Variants in STARD9 observed in about 807,000 individuals in gnomAD.
The protein encoded by STARD9 is stAR-related lipid transfer protein 9.
Under a neutral mutation model 399.8 loss-of-function variants are expected in STARD9, and 346 were observed. The ratio of observed to expected loss-of-function variants is 0.87; its 90% CI spans 0.79 to 0.95. The LOEUF is 0.95. Ranked by LOEUF, STARD9 falls within the 40% of genes least tolerant of loss-of-function variation. The pLI, the probability that STARD9 is intolerant of heterozygous loss-of-function variation, is 0.00. For synonymous variants in STARD9, 2,203 were observed against 2,143.5 expected (o/e 1.03, Z -0.77); for missense variants, 5,832 against 5,667.5 (o/e 1.03, Z -0.93).
chr15:42,583,242 G>C (rs953984128), intron 1 of STARD9, 104 bp from the exon 2 acceptor site: 1 of 770,390 alleles, frequency 1.3e-6, no homozygotes, highest in Admixed American at 2.8e-5. Context: ...TTCTCTTAAG[G>C]GTACAGCAGT....
chr15:42,685,329 A>T lies in STARD9; in HGVS notation c.3751A>T (p.Ile1251Leu). 1 of 1,537,378 alleles carries T rather than the reference A, an allele frequency of 6.5e-7. No individual in the cohort carries two copies. The highest frequency in any genetic ancestry group is 8.7e-7 in the Non-Finnish European group (1 of 1,146,954). ...SSLPVMDQEA[I>L]CRLGPINYRT... ...TCTGCCTGTAATGGACCAAGAGGCA[A>T]TATGCAGGCTTGGTCCCATCAACTA... Residue 1251 changes from isoleucine (I) to leucine (L), a missense_variant, in exon 23 of 33, where the codon ATA (isoleucine) becomes TTA (leucine). Around this residue, in one of 2 missense-constraint regions of STARD9, gnomAD observed 5,828 missense variants for 5,651.1 expected, o/e 1.03. Coordinates refer to ENST00000290607, the MANE Select transcript of STARD9 (RefSeq NM_020759.3).
intron 7 of STARD9, among the ~76,000 whole-genome samples, chr15:42,648,441 G>GC (rs1397302299): frequency 6.6e-6 from 1 of 152,160 alleles, no homozygotes; most frequent in African/African-American, 2.4e-5. Context: ...GGGATTACAG[G>GC]CATGAGCCCC....
intron 3 of STARD9, among the ~76,000 whole-genome samples, chr15:42,623,728 C>A (rs763717031): frequency 1.3e-5 from 2 of 152,142 alleles, no homozygotes; most frequent in African/African-American, 2.4e-5. Context: ...GTTTAAATAC[C>A]AATTTCCATG....
chr15:42,626,699 A>G (rs2059232791), intron 3 of STARD9, among the ~76,000 whole-genome samples: 1 of 146,284 alleles, frequency 6.8e-6, no homozygotes, highest in Non-Finnish European at 1.5e-5. Flanking sequence ...TTTAGTAGAG[A>G]CGGGGTTTCA....
chr15:42,651,620 A>G lies in STARD9; in HGVS notation c.629+535A>G, dbSNP rs751062761. Among the ~76,000 whole-genome samples, 5 of 152,294 alleles carry G rather than the reference A, an allele frequency of 3.3e-5. No homozygotes were observed. The South Asian group carries it at 1.0e-3, about 32-fold the overall frequency. Reference sequence around the variant, plus strand: ...GAAATACCTAGAATATTACTAGTAAATGTCCCTAAAAAAGGCTTTTTTTTT... The same window carrying G: ...GAAATACCTAGAATATTACTAGTAAGTGTCCCTAAAAAAGGCTTTTTTTTT... On this transcript the variant is annotated intron_variant, in intron 8 of 32. Transcript: ENST00000290607.
chr15:42,657,227 G>A (rs1190204408), intron 9 of STARD9, among the ~76,000 whole-genome samples: 1 of 151,964 alleles, frequency 6.6e-6, no homozygotes, highest in Non-Finnish European at 1.5e-5. Context: ...AGGCATGGTG[G>A]TGAGCGCTTG....
chr15:42,626,372 C>CTCT (rs1555393277), intron 3 of STARD9, among the ~76,000 whole-genome samples: 3 of 97,792 alleles, frequency 3.1e-5, no homozygotes, highest in South Asian at 3.7e-4. Flanking sequence ...CCTCTTCTTC[C>CTCT]TCCTCTTCCT....
intron 20 of STARD9, among the ~76,000 whole-genome samples, chr15:42,678,086 A>AGGCTG (rs2060348419): frequency 6.6e-6 from 1 of 152,214 alleles, no homozygotes; most frequent in African/African-American, 2.4e-5. Context: ...AGGAGCCTGT[A>AGGCTG]GGCTGGGCTG....
chr15:42,682,999 C>T (rs983671417), intron 22 of STARD9, among the ~76,000 whole-genome samples: 7 of 152,202 alleles, frequency 4.6e-5, no homozygotes, highest in African/African-American at 1.4e-4. Flanking sequence ...TGAGCTTTCT[C>T]ACCCCACCTC....
chr15:42,693,931 T>G lies in STARD9; in HGVS notation c.12353T>G (p.Phe4118Cys), dbSNP rs866390381. Residue 4118 changes from phenylalanine to cysteine, a missense_variant, in exon 23 of 33, where the codon TTC (phenylalanine) becomes TGC (cysteine). By Grantham distance (205) the Phe-to-Cys change is radical. Coordinates refer to ENST00000290607, the MANE Select transcript of STARD9 (RefSeq NM_020759.3). Reference sequence around the variant, plus strand: ...TGCCAACCTGAGGAGTTACTGTGCTTCAGTTGCCAGATGTGCATGGCCCCT... The same window carrying G: ...TGCCAACCTGAGGAGTTACTGTGCTGCAGTTGCCAGATGTGCATGGCCCCT... ...QACQPEELLCFSCQMCMAPEH... is the reference protein window; with the variant it reads ...QACQPEELLCCSCQMCMAPEH... 18 of 1,508,032 alleles carry G rather than the reference T, an allele frequency of 1.2e-5. No individual in the cohort carries two copies. In the African/African-American group the frequency reaches 2.2e-4, roughly 18 times the overall value. 93.4% of individuals were successfully genotyped at this position (1,508,032 alleles called of 1,614,324 possible).
At position 42,687,824 on chromosome 15, in the gene STARD9, G is replaced by A; in HGVS notation, c.6246G>A (p.Lys2082=). 1 of 1,537,470 alleles carries A rather than the reference G, an allele frequency of 6.5e-7. No homozygotes were observed. The highest frequency in any genetic ancestry group is 8.7e-7 in the Non-Finnish European group (1 of 1,147,014). The part of the protein sequence containing the change: ...VHASHTPGTD[K]ELVFQDQKEQ... The stretch of plus-strand genomic sequence containing the variant: ...CTTCCCACACACCAGGAACCGATAA[G>A]GAGTTGGTGTTCCAGGACCAGAAGG... Residue 2082 remains lysine (K), a synonymous_variant, in exon 23 of 33, where the codon AAG becomes AAA. Coordinates refer to ENST00000290607, the MANE Select transcript of STARD9 (RefSeq NM_020759.3).
intron 26 of STARD9, 123 bp downstream of exon 26, chr15:42,696,003 A>G (rs912417269): frequency 1.2e-5 from 12 of 1,025,274 alleles, no homozygotes; most frequent in East Asian, 2.6e-5. Context: ...CACTGCTGAC[A>G]TGAGCCCTTC....
At chr15:42,653,288 A>G (rs1407261586) in intron 9 of STARD9, among the ~76,000 whole-genome samples, 1 of 152,198 alleles carries the variant, frequency 6.6e-6, no homozygotes, top group East Asian at 1.9e-4. Context: ...CCAAAAAGCA[A>G]CTATAAAGCT....
At chr15:42,631,426 C>CA (rs1054337740) in intron 3 of STARD9, among the ~76,000 whole-genome samples, 3 of 151,370 alleles carry the variant, frequency 2.0e-5, no homozygotes, top group East Asian at 1.9e-4. Context: ...TACTAAAATA[C>CA]AAAAAAAACC....
At chr15:42,663,154 T>C (rs1176671020) in intron 11 of STARD9, 127 bp from the exon 12 acceptor site, 12 of 924,214 alleles carry the variant, frequency 1.3e-5, no homozygotes, top group South Asian at 1.2e-4. Flanking sequence ...ACCTAAAATA[T>C]CCTATTGTAT....
chr15:42,687,626 C>A lies in STARD9; in HGVS notation c.6048C>A (p.Asn2016Lys), dbSNP rs1350377179. The A allele has an allele frequency of 2.0e-6, 3 of 1,537,006 alleles. No individual in the cohort carries two copies. The highest frequency in any genetic ancestry group is 2.6e-6 in the Non-Finnish European group (3 of 1,146,880). ...FQLVACPQER[N>K]PSECKSQEML... ...TAGTTGCATGCCCTCAGGAAAGAAA[C>A]CCCAGTGAATGCAAGTCACAAGAAA... Residue 2016 changes from asparagine (N) to lysine (K), a missense_variant, in exon 23 of 33, where the codon AAC becomes AAA. This residue lies in a region of STARD9 where 5,828 missense variants were observed against 5,651.1 expected (regional missense o/e 1.03). Coordinates refer to ENST00000290607, the MANE Select transcript of STARD9 (RefSeq NM_020759.3).
At chr15:42,697,651 T>G (rs528787521) in intron 26 of STARD9, among the ~76,000 whole-genome samples, 1 of 152,284 alleles carries the variant, frequency 6.6e-6, no homozygotes, top group Non-Finnish European at 1.5e-5. Context: ...TGAAACACAG[T>G]CAAAACTTGG....
chr15:42,601,191 A>G, intron 3 of STARD9, among the ~76,000 whole-genome samples: 1 of 152,188 alleles, frequency 6.6e-6, no homozygotes, highest in Non-Finnish European at 1.5e-5. Context: ...GGGTAAGGTT[A>G]TAGATTAACA....
intron 7 of STARD9, among the ~76,000 whole-genome samples, chr15:42,644,876 A>G (rs1186226623): frequency 1.3e-5 from 2 of 152,208 alleles, no homozygotes; most frequent in African/African-American, 4.8e-5. Context: ...CATTTCACAC[A>G]GCATCTTCAC....
Sources: gnomAD v4.1 joint callset for allele counts (sites outside exome capture counted in the v4.1 genomes callset) on GRCh38, gnomAD v4.1.1 for gene constraint, gnomAD v4.1.1 regional missense constraint, MANE v1.5 for transcripts, NCBI Gene and HGNC (gene_info 2026-07-23, HGNC 2026-07-21) for gene names.